CLNK: variants seen among roughly 807,000 people sequenced by gnomAD.
CLNK encodes cytokine dependent hematopoietic cell linker, also known as cytokine-dependent hematopoietic cell linker.
In CLNK, 74 loss-of-function variants were observed where a neutral mutation model predicts 68.6. That is an observed-to-expected ratio of 1.08 (90% confidence interval 0.89 to 1.31). The LOEUF is 1.31. Ranked by LOEUF, CLNK falls within the 50% of genes most tolerant of loss-of-function variation. The pLI, the probability that CLNK is intolerant of heterozygous loss-of-function variation, is 0.00. For synonymous variants in CLNK, 198 were observed against 172.2 expected, an observed-to-expected ratio of 1.15 and a Z score of -1.17; for missense variants, 553 against 515.3, an observed-to-expected ratio of 1.07 and a Z score of -0.71.
chr4:10,718,640 C>A, the CLNK span, among the ~76,000 whole-genome samples: 1 of 150,870 alleles, frequency 6.6e-6, no homozygotes, highest in African/African-American at 2.4e-5. Context: ...CAGAAGCAGA[C>A]CTGTTTTAAC....
At chr4:10,527,481 C>A (rs1366765508) in intron 13 of CLNK, among the ~76,000 whole-genome samples, 1 of 152,218 alleles carries the variant, frequency 6.6e-6, no homozygotes, top group Non-Finnish European at 1.5e-5. Flanking sequence ...ACGATGCTGT[C>A]TTTTGTGAAC....
intron 2 of CLNK, among the ~76,000 whole-genome samples, chr4:10,614,767 A>G (rs1280374118): frequency 6.6e-6 from 1 of 152,254 alleles, no homozygotes; most frequent in East Asian, 1.9e-4. Flanking sequence ...AATTGTTGTA[A>G]GGATCAAAAA....
chr4:10,642,046 G>A (rs773005840), intron 2 of CLNK, among the ~76,000 whole-genome samples: 2 of 152,050 alleles, frequency 1.3e-5, no homozygotes, highest in Non-Finnish European at 2.9e-5. Context: ...ACCGAGTCTC[G>A]TGTATGTCTT....
upstream of CLNK, among the ~76,000 whole-genome samples, chr4:10,689,543 C>T (rs1002147805): frequency 6.6e-6 from 1 of 152,052 alleles, no homozygotes; most frequent in Non-Finnish European, 1.5e-5. Flanking sequence ...TTCAGCTGGT[C>T]GTGACTGCCA....
At chr4:10,571,602 C>G (rs1310529395) in intron 5 of CLNK, 139 bp downstream of exon 5, 5 of 631,794 alleles carry the variant, frequency 7.9e-6, no homozygotes, top group Non-Finnish European at 1.4e-5. Flanking sequence ...TCCCAAAGTG[C>G]TGGGATTACA....
upstream of CLNK, among the ~76,000 whole-genome samples, chr4:10,686,958 G>A (rs11932745): frequency 0.34 from 52,240 of 151,868 alleles, 9,087 homozygotes; most frequent in Admixed American, 0.38. Context: ...TATATACCAT[G>A]CATCAGCAGC....
At chr4:10,565,660 C>A (rs1370494772) in intron 6 of CLNK, among the ~76,000 whole-genome samples, 1 of 152,130 alleles carries the variant, frequency 6.6e-6, no homozygotes, top group Non-Finnish European at 1.5e-5. Context: ...GCTTGTCCAC[C>A]CTCCGTTATG....
chr4:10,540,585 T>G lies in CLNK; in HGVS notation c.511A>C (p.Lys171Gln). 3 of 1,613,648 alleles carry G rather than the reference T, an allele frequency of 1.9e-6. No homozygotes were observed. Among genetic ancestry groups the G allele is most frequent in the Non-Finnish European group, 2.5e-6 (3 of 1,179,654 alleles). The change falls in exon 11 of 19, where the codon AAG (lysine) becomes CAG (glutamine). Residue 171 changes from lysine to glutamine, a missense_variant. Physicochemically the swap from Lys to Gln is moderately conservative, Grantham distance 53. Transcript: ENST00000226951. Reference sequence around the variant, plus strand: ...TCAGGGGGCAAGGGTTGGTACTTCTTCGGAAGTGTTATGAGAGGCCTGTGT... The same window carrying G: ...TCAGGGGGCAAGGGTTGGTACTTCTGCGGAAGTGTTATGAGAGGCCTGTGT... Reference protein sequence around the residue: ...PPPRPLITLPKKYQPLPPEPE... With the variant: ...PPPRPLITLPQKYQPLPPEPE...
intron 2 of CLNK, among the ~76,000 whole-genome samples, chr4:10,611,845 TA>T (rs1249635904): frequency 6.6e-6 from 1 of 152,158 alleles, no homozygotes; most frequent in Non-Finnish European, 1.5e-5. Flanking sequence ...ATCCTCATTG[TA>T]AAATCTGGCA....
chr4:10,570,164 G>A (rs1013800867), intron 5 of CLNK, among the ~76,000 whole-genome samples: 4 of 152,166 alleles, frequency 2.6e-5, no homozygotes, highest in East Asian at 1.9e-4. Context: ...ATACTGTTAC[G>A]GCCATCACCA....
the CLNK span, among the ~76,000 whole-genome samples, chr4:10,725,712 G>A: frequency 9.9e-5 from 15 of 152,142 alleles, no homozygotes; most frequent in South Asian, 4.2e-4. Context: ...AAAATTAGCC[G>A]GGCGTGTTGG....
chr4:10,498,912 T>C (rs2109022364), intron 18 of CLNK, among the ~76,000 whole-genome samples: 1 of 152,338 alleles, frequency 6.6e-6, no homozygotes, highest in African/African-American at 2.4e-5. Flanking sequence ...GTGTGGGATA[T>C]GATGAAGATT....
the CLNK span, among the ~76,000 whole-genome samples, chr4:10,716,686 C>CTTTTTTTTTTTTTTTTT: frequency 1.5e-5 from 2 of 132,916 alleles, no homozygotes; most frequent in Admixed American, 8.0e-5. Context: ...AGACAGAAAA[C>CTTTTTTTTTTTTTTTTT]TTTTTTTTTT....
At chr4:10,597,662 T>C (rs1370952730) in intron 3 of CLNK, among the ~76,000 whole-genome samples, 2 of 152,152 alleles carry the variant, frequency 1.3e-5, no homozygotes, top group Admixed American at 6.5e-5. Context: ...AAATCATTCA[T>C]TGGCAGAGGA....
At chr4:10,695,750 G>A in the CLNK span, among the ~76,000 whole-genome samples, 20 of 152,174 alleles carry the variant, frequency 1.3e-4, no homozygotes, top group Non-Finnish European at 1.9e-4. Flanking sequence ...TAATGAAGAC[G>A]GAAGAGGAGA....
the CLNK span, among the ~76,000 whole-genome samples, chr4:10,718,374 G>GA: frequency 6.6e-6 from 1 of 151,776 alleles, no homozygotes. Context: ...TAAAGACAAA[G>GA]AAAAAATCTT....
At chr4:10,617,158 A>G (rs1286489838) in intron 2 of CLNK, among the ~76,000 whole-genome samples, 1 of 152,086 alleles carries the variant, frequency 6.6e-6, no homozygotes, top group African/African-American at 2.4e-5. Flanking sequence ...AATCCCATAG[A>G]ACTTCCTCAC....
chr4:10,714,125 C>T, the CLNK span, among the ~76,000 whole-genome samples: 1 of 152,082 alleles, frequency 6.6e-6, no homozygotes, highest in South Asian at 2.1e-4. Context: ...TGCAGCCAAC[C>T]AGAGCCCCCT....
intron 2 of CLNK, among the ~76,000 whole-genome samples, chr4:10,648,801 T>G (rs1040651071): frequency 1.3e-5 from 2 of 152,146 alleles, no homozygotes; most frequent in African/African-American, 4.8e-5. Flanking sequence ...TCAGTACTAA[T>G]AAAATTCTTC....
Sources: allele counts gnomAD v4.1 joint callset (sites outside exome capture counted in the v4.1 genomes callset), GRCh38; gene constraint gnomAD v4.1.1; transcripts MANE v1.5; gene names NCBI Gene and HGNC (gene_info 2026-07-23, HGNC 2026-07-21).